The following KSR2 variants were observed in gnomAD, a reference collection of about 807,000 sequenced individuals.
KSR2 encodes the protein kinase suppressor of ras 2.
Under a neutral mutation model 107.8 loss-of-function variants are expected in KSR2, and 25 were observed. That is an observed-to-expected ratio of 0.23 (90% CI 0.17 to 0.32). The LOEUF (loss-of-function observed/expected upper bound fraction) is 0.32, where lower values mean the gene tolerates loss of function less well. Among genes scored for constraint, KSR2 ranks in the 10% least tolerant of loss-of-function variants. The pLI is 1.00. For synonymous variants in KSR2, 480 were observed against 507.0 expected (o/e 0.95, Z 0.71); for missense variants, 887 against 1,268.9 (o/e 0.70, Z 4.57).
intron 5 of KSR2, among the ~76,000 whole-genome samples, chr12:117,640,698 C>T (rs75312892): frequency 0.035 from 5,263 of 152,292 alleles, 297 homozygotes; most frequent in African/African-American, 0.12. Flanking sequence ...CTTCCTCCTC[C>T]CTGGGCCCCC....
intron 16 of KSR2, among the ~76,000 whole-genome samples, chr12:117,480,381 C>T (rs180883706): frequency 4.2e-4 from 64 of 152,204 alleles, no homozygotes; most frequent in African/African-American, 1.5e-3. Flanking sequence ...TGGGGTGCCC[C>T]GTTCCCATGG....
At chr12:117,505,893 C>T (rs1241732533) in intron 14 of KSR2, among the ~76,000 whole-genome samples, 1 of 152,176 alleles carries the variant, frequency 6.6e-6, no homozygotes, top group Non-Finnish European at 1.5e-5. Flanking sequence ...ACCACTCAGT[C>T]AGTCCCTTTC....
intron 9 of KSR2, among the ~76,000 whole-genome samples, chr12:117,546,329 G>T (rs994707806): frequency 3.9e-5 from 6 of 152,090 alleles, no homozygotes; most frequent in African/African-American, 1.4e-4. Context: ...TGAGAAATTT[G>T]TTGTCATTTG....
chr12:117,965,545 A>G (rs1001097395), intron 1 of KSR2, among the ~76,000 whole-genome samples: 1 of 152,232 alleles, frequency 6.6e-6, no homozygotes, highest in African/African-American at 2.4e-5. Flanking sequence ...AGAAGTGTAT[A>G]CATGCTATTA....
intron 1 of KSR2, among the ~76,000 whole-genome samples, chr12:117,937,894 A>G (rs1311865884): frequency 6.7e-6 from 1 of 149,160 alleles, no homozygotes; most frequent in Non-Finnish European, 1.5e-5. Context: ...CTCTTGAACC[A>G]GGAAGCAGAG....
rs562967490 is a variant in KSR2 at position 117,584,282 on chromosome 12, T to A, written c.1172-1923A>T. ...ATAGAAAAGACAAGAGAAAAAAAAA[T>A]TTTTAAGAGAGCATTCTTTCCATTC... On this transcript the variant is annotated intron_variant, in intron 5 of 19. Transcript: ENST00000339824. Among the ~76,000 whole-genome samples the A allele has an allele frequency of 1.6e-4, 25 of 152,100 alleles. 1 individual carries two copies. Among genetic ancestry groups the A allele is most frequent in the South Asian group, 1.5e-3 (7 of 4,806 alleles).
rs564625445 is a variant in KSR2 at position 117,773,881 on chromosome 12, G to T, written c.473-12357C>A. On this transcript the variant is annotated intron_variant, in intron 3 of 19. Coordinates refer to ENST00000339824, the MANE Select transcript of KSR2 (RefSeq NM_173598.6). ...TTACTGTTTGCTGTGCCCCTACCAT[G>T]TGCCAGATACTATTCTAAGTATTCA... 8.7e-4 allele frequency among the ~76,000 whole-genome samples: 133 copies of T among 152,264 alleles called. 1 individual carries two copies. Among genetic ancestry groups the T allele is most frequent in the African/African-American group, 3.1e-3 (129 of 41,562 alleles).
intron 4 of KSR2, among the ~76,000 whole-genome samples, chr12:117,687,771 GTC>G (rs974830440): frequency 2.0e-5 from 3 of 152,198 alleles, no homozygotes; most frequent in African/African-American, 7.2e-5. Flanking sequence ...ACCAATCTGA[GTC>G]TCTCTTGGGA....
chr12:117,666,823 C>T (rs978709404), intron 5 of KSR2, among the ~76,000 whole-genome samples: 2 of 152,122 alleles, frequency 1.3e-5, no homozygotes, highest in African/African-American at 4.8e-5. Context: ...CCCCTCTGAC[C>T]ACATCTGTGC....
intron 5 of KSR2, among the ~76,000 whole-genome samples, chr12:117,624,186 T>G (rs1882343984): frequency 6.6e-6 from 1 of 152,218 alleles, no homozygotes; most frequent in African/African-American, 2.4e-5. Context: ...GCCTGTTCAC[T>G]CTGATGGTAG....
chr12:117,521,902 G>C (rs1874779208), intron 14 of KSR2, among the ~76,000 whole-genome samples: 1 of 152,186 alleles, frequency 6.6e-6, no homozygotes, highest in Non-Finnish European at 1.5e-5. Context: ...CCAACAAGTG[G>C]ACAGTGCTGA....
chr12:117,558,658 GGTGGATGGGTGGATGAATGGATGGGTGA>G, intron 7 of KSR2, 85 bp from the exon 8 acceptor site: 1 of 893,288 alleles, frequency 1.1e-6, no homozygotes, highest in Non-Finnish European at 1.9e-6. Flanking sequence ...TGGATGGATG[GGTGGATGGGTGGATGAATGGATGGGTGA>G]ATGGATGGGT....
intron 3 of KSR2, among the ~76,000 whole-genome samples, chr12:117,817,737 T>C (rs1006585894): frequency 1.1e-4 from 16 of 152,226 alleles, no homozygotes; most frequent in Admixed American, 6.5e-4. Flanking sequence ...CAGGAGGCTA[T>C]GACAATGGAT....
intron 14 of KSR2, among the ~76,000 whole-genome samples, chr12:117,500,580 A>G (rs180884441): frequency 2.3e-3 from 345 of 152,342 alleles, no homozygotes; most frequent in Non-Finnish European, 3.9e-3. Flanking sequence ...TCTATTTGAT[A>G]CTAGCATCTT....
Position 117,968,869 on chromosome 12 carries a change from G to A in KSR2, c.-614C>T. ...TCCCGCGGCTGCGGCGGCTACTGCG[G>A]CTGGCTGCTGTCTCCTCCCCGCGCT... On this transcript the variant is annotated 5_prime_UTR_variant, in exon 1 of 20. Transcript: ENST00000339824. 4.4e-6 allele frequency: 1 copy of A among 228,320 alleles called. No homozygotes were observed. Among genetic ancestry groups the A allele is most frequent in the Non-Finnish European group, 8.7e-6 (1 of 114,874 alleles). 14.1% of individuals were successfully genotyped at this position (228,320 alleles called of 1,614,324 possible). A position where few individuals can be genotyped will look rare whatever the true frequency, so the allele number is the denominator to read the frequency against.
intron 14 of KSR2, among the ~76,000 whole-genome samples, chr12:117,513,216 A>G (rs576071036): frequency 6.6e-6 from 1 of 152,272 alleles, no homozygotes; most frequent in South Asian, 2.1e-4. Context: ...CATTATCAAG[A>G]TTTATTTATC....
In KSR2 at chr12:117,471,263, C is replaced by T. The variant is rs1416422205; in HGVS notation, c.2640G>A (p.Glu880=). Residue 880 remains glutamate, a synonymous_variant, in exon 18 of 20, where the codon GAG becomes GAA. Coordinates refer to ENST00000339824, the MANE Select transcript of KSR2 (RefSeq NM_173598.6). ...CTGTGCCCATTTGCCAGATTATTGCCTCTGCTGGTTGGGTCTTGAAAGGCC... is the reference window on the plus strand; with the variant it reads ...CTGTGCCCATTTGCCAGATTATTGCTTCTGCTGGTTGGGTCTTGAAAGGCC... The part of the protein sequence containing the change: ...REWPFKTQPA[E]AIIWQMGTGM... The T allele has an allele frequency of 6.2e-7, 1 of 1,613,738 alleles. No homozygotes were observed. The highest frequency in any genetic ancestry group is 8.5e-7 in the Non-Finnish European group (1 of 1,179,860).
At chr12:117,863,228 T>G (rs1443817954) in intron 1 of KSR2, among the ~76,000 whole-genome samples, 3 of 152,092 alleles carry the variant, frequency 2.0e-5, no homozygotes, top group Non-Finnish European at 2.9e-5. Context: ...ACTGGGCCAC[T>G]GAGACCCCAC....
chr12:117,811,597 C>A (rs886812543), intron 3 of KSR2, among the ~76,000 whole-genome samples: 1 of 152,184 alleles, frequency 6.6e-6, no homozygotes, highest in African/African-American at 2.4e-5. Context: ...CCTCTCTCTG[C>A]CTCCACTTCC....
Sources: gnomAD v4.1 joint callset for allele counts (sites outside exome capture counted in the v4.1 genomes callset) on GRCh38, gnomAD v4.1.1 for gene constraint, MANE v1.5 for transcripts, NCBI Gene and HGNC (gene_info 2026-07-23, HGNC 2026-07-21) for gene names.